Variants in CHST9 observed in about 807,000 individuals in gnomAD.
The protein encoded by CHST9 is carbohydrate sulfotransferase 9, also known as GalNAc-4-sulfotransferase 2.
In CHST9, 41 loss-of-function variants were observed where a neutral mutation model predicts 44.4. The ratio of observed to expected loss-of-function variants is 0.92; its 90% confidence interval spans 0.72 to 1.20. The LOEUF (loss-of-function observed/expected upper bound fraction) is 1.20, where lower values mean the gene tolerates loss of function less well. Among genes scored for constraint, CHST9 ranks in the 50% most tolerant of loss-of-function variants. The pLI, the probability that CHST9 is intolerant of heterozygous loss-of-function variation, is 0.00. For synonymous variants in CHST9, 171 were observed against 178.4 expected (o/e 0.96, Z 0.33); for missense variants, 504 against 516.5 (o/e 0.98, Z 0.23).
At chr18:26,972,063 A>G (rs1252284323) in intron 4 of CHST9, among the ~76,000 whole-genome samples, 1 of 151,904 alleles carries the variant, frequency 6.6e-6, no homozygotes, top group Non-Finnish European at 1.5e-5. Flanking sequence ...TTTCATTAAG[A>G]TGGTTACATT....
intron 2 of CHST9, among the ~76,000 whole-genome samples, chr18:27,084,953 G>A (rs2057997135): frequency 7.4e-6 from 1 of 135,130 alleles, no homozygotes; most frequent in Non-Finnish European, 1.6e-5. Context: ...GAAATTATAT[G>A]GTTTGGAGAG....
Position 27,024,128 on chromosome 18 carries a change from C to T in CHST9, c.190G>A (p.Val64Ile), listed in dbSNP as rs186818611. The change falls in exon 4 of 6, where the codon GTA (valine) becomes ATA (isoleucine). Residue 64 changes from valine to isoleucine, a missense_variant. By Grantham distance (29) the Val-to-Ile change is conservative (BLOSUM62 3). Transcript: ENST00000618847. ...GWGPVKYLRP[V>I]PRIMSTEKIQ... ...GGAAGTTACTCACTGATTCTGGGTA[C>T]AGGCCGCAAGTACTTCACTGGTCCC... 4.0e-4 allele frequency: 652 copies of T among 1,612,326 alleles called. 1 individual carries two copies. The highest frequency in any genetic ancestry group is 5.1e-4 in the Non-Finnish European group (598 of 1,179,224).
At chr18:27,137,175 A>G (rs901886877) in intron 2 of CHST9, among the ~76,000 whole-genome samples, 3 of 151,772 alleles carry the variant, frequency 2.0e-5, no homozygotes, top group South Asian at 2.1e-4. Context: ...AAAATGAATA[A>G]GAAGGAGAGA....
At chr18:27,017,516 T>C (rs748605562) in intron 4 of CHST9, among the ~76,000 whole-genome samples, 1 of 152,216 alleles carries the variant, frequency 6.6e-6, no homozygotes, top group Non-Finnish European at 1.5e-5. Context: ...TGCTGTGTGA[T>C]TCCATTTATA....
At chr18:26,999,622 T>TA (rs527694260) in intron 4 of CHST9, among the ~76,000 whole-genome samples, 1 of 152,070 alleles carries the variant, frequency 6.6e-6, no homozygotes, top group Non-Finnish European at 1.5e-5. Flanking sequence ...AAAGTTTATA[T>TA]AAAAAAATTG....
At chr18:26,976,038 C>T (rs1598609612) in intron 4 of CHST9, among the ~76,000 whole-genome samples, 1 of 151,850 alleles carries the variant, frequency 6.6e-6, no homozygotes, top group East Asian at 2.0e-4. Flanking sequence ...GAGTGCCAGC[C>T]TGTTAGCAGC....
At chr18:27,091,086 T>C (rs892535337) in intron 2 of CHST9, among the ~76,000 whole-genome samples, 1 of 152,228 alleles carries the variant, frequency 6.6e-6, no homozygotes, top group African/African-American at 2.4e-5. Flanking sequence ...GAGCATGGAA[T>C]GTTCTTCCAT....
intron 1 of CHST9, among the ~76,000 whole-genome samples, chr18:27,173,005 C>G (rs1299724352): frequency 6.6e-6 from 1 of 151,874 alleles, no homozygotes; most frequent in Non-Finnish European, 1.5e-5. Flanking sequence ...CTACAGGGAC[C>G]TGATTAGAAA....
intron 4 of CHST9, among the ~76,000 whole-genome samples, chr18:26,954,257 G>A (rs2056291715): frequency 6.6e-6 from 1 of 152,184 alleles, no homozygotes; most frequent in Non-Finnish European, 1.5e-5. Context: ...AATAGCTCAA[G>A]GGGCCAATGA....
intron 2 of CHST9, among the ~76,000 whole-genome samples, chr18:27,117,321 C>A (rs2058333934): frequency 6.6e-6 from 1 of 151,900 alleles, no homozygotes; most frequent in South Asian, 2.1e-4. Flanking sequence ...CCATATACCC[C>A]CTGCCCCACA....
chr18:26,964,337 C>T (rs1385258135), intron 4 of CHST9, among the ~76,000 whole-genome samples: 1 of 152,172 alleles, frequency 6.6e-6, no homozygotes, highest in African/African-American at 2.4e-5. Context: ...CATTCTCAAC[C>T]GCCCACCTGT....
chr18:27,159,996 AAGG>A (rs1253015828), intron 1 of CHST9, among the ~76,000 whole-genome samples: 5 of 152,198 alleles, frequency 3.3e-5, no homozygotes, highest in Admixed American at 6.5e-5. Context: ...TTATCAGCTT[AAGG>A]AGATTTTGGG....
intron 5 of CHST9, among the ~76,000 whole-genome samples, chr18:26,930,343 A>G (rs1198824700): frequency 6.6e-6 from 1 of 152,232 alleles, no homozygotes; most frequent in African/African-American, 2.4e-5. Flanking sequence ...ATAGAATTAC[A>G]CTAGCAGCAA....
intron 5 of CHST9, among the ~76,000 whole-genome samples, chr18:26,940,802 G>T (rs1309653651): frequency 6.6e-6 from 1 of 152,188 alleles, no homozygotes; most frequent in Non-Finnish European, 1.5e-5. Flanking sequence ...AACCTTGTTT[G>T]ATAATAGGGT....
chr18:27,127,513 G>T (rs184701969), intron 2 of CHST9, among the ~76,000 whole-genome samples: 29 of 152,282 alleles, frequency 1.9e-4, no homozygotes, highest in Non-Finnish European at 3.5e-4. Context: ...AGTAAGAAAG[G>T]TGAGGGTGAG....
chr18:26,979,197 T>G (rs113523801), intron 4 of CHST9, among the ~76,000 whole-genome samples: 2,214 of 152,226 alleles, frequency 0.015, 32 homozygotes, highest in Non-Finnish European at 0.023. Context: ...GCCTTTTATC[T>G]TCTTGCTGGC....
In CHST9 at chr18:26,916,243, A is replaced by T. The variant is rs747879318; in HGVS notation, c.*16T>A. On this transcript the variant is annotated 3_prime_UTR_variant, in exon 6 of 6. Coordinates refer to ENST00000618847, the MANE Select transcript of CHST9 (RefSeq NM_031422.6). The stretch of plus-strand genomic sequence containing the variant: ...CATCATTAAGTATATACAGGGTTTT[A>T]GAAAATGAATGCAAACTACAAAAAT... 4.0e-6 allele frequency: 6 copies of T among 1,492,724 alleles called. No individual in the cohort carries two copies. The African/African-American group carries it at 7.0e-5, about 17-fold the overall frequency. The allele number at this position is 1,492,724 out of a possible 1,614,324, so 92.5% of individuals were successfully genotyped here.
At chr18:27,000,654 A>ATCTATCTATCTATC (rs1555675570) in intron 4 of CHST9, among the ~76,000 whole-genome samples, 2 of 150,310 alleles carry the variant, frequency 1.3e-5, no homozygotes, top group South Asian at 4.2e-4. Flanking sequence ...CTATCTATCT[A>ATCTATCTATCTATC]TCTCTCTATC....
At chr18:27,035,330 T>C (rs76801132) in intron 3 of CHST9, among the ~76,000 whole-genome samples, 1 of 152,214 alleles carries the variant, frequency 6.6e-6, no homozygotes, top group Non-Finnish European at 1.5e-5. Flanking sequence ...TTCAGGGTCT[T>C]TGTCCATTTT....
Sources: gnomAD v4.1 joint callset for allele counts (sites outside exome capture counted in the v4.1 genomes callset) on GRCh38, gnomAD v4.1.1 for gene constraint, MANE v1.5 for transcripts, NCBI Gene and HGNC (gene_info 2026-07-23, HGNC 2026-07-21) for gene names.